CD200R1: variants seen among roughly 807,000 people sequenced by gnomAD.
CD200R1 encodes cell surface glycoprotein CD200 receptor 1.
Under a neutral mutation model 38.1 loss-of-function variants are expected in CD200R1, and 30 were observed. The ratio of observed to expected loss-of-function variants is 0.79; its 90% CI spans 0.59 to 1.07. CD200R1 has a LOEUF of 1.07. Ranked by LOEUF, CD200R1 falls within the 50% of genes least tolerant of loss-of-function variation. CD200R1 has a pLI of 0.00. For synonymous variants in CD200R1, 128 were observed against 152.1 expected (o/e 0.84, Z 1.16); for missense variants, 372 against 415.4 (o/e 0.90, Z 0.91).
intron 1 of CD200R1, among the ~76,000 whole-genome samples, chr3:112,972,861 G>T (rs952016486): frequency 1.3e-5 from 2 of 152,156 alleles, no homozygotes; most frequent in African/African-American, 4.8e-5. Context: ...TAACATAGCA[G>T]TTTTAGCAAT....
In CD200R1 at chr3:112,938,693, T is replaced by G. The variant is rs140925346; in HGVS notation, c.137-7522A>C. On this transcript the variant is annotated intron_variant, in intron 2 of 7. Transcript: ENST00000308611. ...CAAACTTTTAAAGAACTAATACCAGTCCTTGATACACAGATGAAATACTTC... is the reference window on the plus strand; with the variant it reads ...CAAACTTTTAAAGAACTAATACCAGGCCTTGATACACAGATGAAATACTTC... Among the ~76,000 whole-genome samples, 284 of 152,122 alleles carry G rather than the reference T, an allele frequency of 1.9e-3. 1 individual carries two copies. Among genetic ancestry groups the G allele is most frequent in the Non-Finnish European group, 3.2e-3 (220 of 67,898 alleles).
At chr3:112,932,831 A>G (rs1230918999) in intron 2 of CD200R1, among the ~76,000 whole-genome samples, 1 of 151,976 alleles carries the variant, frequency 6.6e-6, no homozygotes, top group Non-Finnish European at 1.5e-5. Flanking sequence ...CAGCCCCACA[A>G]GCTCACTGTT....
At chr3:112,959,604 A>G (rs1192929671) in intron 1 of CD200R1, among the ~76,000 whole-genome samples, 2 of 152,166 alleles carry the variant, frequency 1.3e-5, no homozygotes, top group Non-Finnish European at 2.9e-5. Flanking sequence ...TAAAATAAAT[A>G]TACATTGAAA....
At chr3:112,943,465 A>T (rs1226474648) in intron 2 of CD200R1, among the ~76,000 whole-genome samples, 2 of 151,796 alleles carry the variant, frequency 1.3e-5, no homozygotes, top group Non-Finnish European at 3.0e-5. Flanking sequence ...AAATTTGTGG[A>T]TGCAGCAGGA....
At chr3:112,948,872 T>C (rs1477197978) in intron 1 of CD200R1, among the ~76,000 whole-genome samples, 1 of 152,202 alleles carries the variant, frequency 6.6e-6, no homozygotes, top group Non-Finnish European at 1.5e-5. Context: ...GAGCTTAAGA[T>C]CCAGGAGAGG....
chr3:112,938,690 C>A (rs931265860), intron 2 of CD200R1, among the ~76,000 whole-genome samples: 1 of 151,910 alleles, frequency 6.6e-6, no homozygotes, highest in African/African-American at 2.4e-5. Flanking sequence ...GAACTAATAC[C>A]AGTCCTTGAT....
At chr3:112,974,560 A>C (rs976460116) in intron 1 of CD200R1, among the ~76,000 whole-genome samples, 1 of 152,198 alleles carries the variant, frequency 6.6e-6, no homozygotes, top group East Asian at 1.9e-4. Flanking sequence ...ATGGACAGTA[A>C]GACAAATTAT....
chr3:112,956,263 T>G (rs891050042), intron 1 of CD200R1, among the ~76,000 whole-genome samples: 70 of 152,224 alleles, frequency 4.6e-4, no homozygotes, highest in African/African-American at 1.7e-3. Flanking sequence ...GTTCACAGAT[T>G]CTTCCTTTTG....
chr3:112,953,364 T>C (rs1244114538), intron 1 of CD200R1, among the ~76,000 whole-genome samples: 1 of 152,226 alleles, frequency 6.6e-6, no homozygotes, highest in Non-Finnish European at 1.5e-5. Flanking sequence ...TAGCATCTTG[T>C]TAAAGATTTT....
At chr3:112,963,091 A>G (rs1933062764) in intron 1 of CD200R1, among the ~76,000 whole-genome samples, 1 of 152,202 alleles carries the variant, frequency 6.6e-6, no homozygotes, top group African/African-American at 2.4e-5. Context: ...GCCATGTAAG[A>G]TGTGCCTTTC....
At chr3:112,924,649 T>A in intron 6 of CD200R1, 114 bp from the exon 7 acceptor site, 2 of 611,426 alleles carry the variant, frequency 3.3e-6, no homozygotes, top group Non-Finnish European at 4.6e-6. Flanking sequence ...ATAGAAGCCA[T>A]AATAAATCAG....
At chr3:112,958,113 T>C (rs1317102558) in intron 1 of CD200R1, among the ~76,000 whole-genome samples, 1 of 152,170 alleles carries the variant, frequency 6.6e-6, no homozygotes, top group Non-Finnish European at 1.5e-5. Context: ...GTGCCCACCA[T>C]ATTACCTGTT....
chr3:112,929,565 A>G (rs1390786409), intron 3 of CD200R1, 58 bp from the exon 4 acceptor site: 37 of 1,428,684 alleles, frequency 2.6e-5, no homozygotes. Context: ...CATGTGTTAC[A>G]TTTATCCACA....
intron 2 of CD200R1, among the ~76,000 whole-genome samples, chr3:112,942,437 T>C (rs993071854): frequency 4.0e-5 from 6 of 151,632 alleles, no homozygotes; most frequent in Non-Finnish European, 8.9e-5. Flanking sequence ...GCTCAAGTGA[T>C]GACTAAAAAA....
intron 5 of CD200R1, 63 bp downstream of exon 5, chr3:112,928,748 CTTTTT>C (rs200632736): frequency 8.3e-7 from 1 of 1,205,984 alleles, no homozygotes; most frequent in African/African-American, 1.6e-5. Context: ...ATTTGCACAT[CTTTTT>C]TTTTCTTAAC....
intron 1 of CD200R1, among the ~76,000 whole-genome samples, chr3:112,949,684 A>C (rs1457889977): frequency 6.6e-6 from 1 of 152,232 alleles, no homozygotes; most frequent in Admixed American, 6.5e-5. Context: ...ATAGATACAC[A>C]ACCCAAATTA....
chr3:112,955,622 C>T (rs2107333534), intron 1 of CD200R1, among the ~76,000 whole-genome samples: 1 of 151,746 alleles, frequency 6.6e-6, no homozygotes, highest in East Asian at 1.9e-4. Context: ...GATCCTCCTG[C>T]CTCAGCCTCC....
chr3:112,971,791 C>A (rs1933316427), intron 1 of CD200R1, among the ~76,000 whole-genome samples: 1 of 152,164 alleles, frequency 6.6e-6, no homozygotes, highest in African/African-American at 2.4e-5. Context: ...TCTGTTCCTG[C>A]AAGCTACAGC....
chr3:112,953,440 T>G (rs1941014971), intron 1 of CD200R1, among the ~76,000 whole-genome samples: 1 of 152,208 alleles, frequency 6.6e-6, no homozygotes, highest in Admixed American at 6.5e-5. Flanking sequence ...CTTGTCTTAT[T>G]TGGGTGTGAG....
Sources: allele counts gnomAD v4.1 joint callset (sites outside exome capture counted in the v4.1 genomes callset), GRCh38; gene constraint gnomAD v4.1.1; transcripts MANE v1.5; gene names NCBI Gene and HGNC (gene_info 2026-07-23, HGNC 2026-07-21).